Variants in PCDHGA7 observed in about 807,000 individuals in gnomAD.
The protein encoded by PCDHGA7 is protocadherin gamma subfamily A, 7.
PCDHGA7 carries 44 observed loss-of-function variants against 58.3 expected under a neutral mutation model. That is an observed-to-expected ratio of 0.75 (90% confidence interval 0.59 to 0.97). The LOEUF (loss-of-function observed/expected upper bound fraction) is 0.97, where lower values mean the gene tolerates loss of function less well. PCDHGA7 is among the 50% of genes least tolerant of loss of function. The probability of loss-of-function intolerance (pLI) is 0.00; values close to 1 mark genes in which losing one functional copy is unlikely to be tolerated. For synonymous variants in PCDHGA7, 516 were observed against 504.2 expected, an observed-to-expected ratio of 1.02 and a Z score of -0.31; for missense variants, 1,266 against 1,188.7, an observed-to-expected ratio of 1.06 and a Z score of -0.96.
At chr5:141,404,832 G>T in intron 1 of PCDHGA7, 1 of 1,613,864 alleles carries the variant, frequency 6.2e-7, no homozygotes, top group Non-Finnish European at 8.5e-7. Flanking sequence ...GGTGAAGTGC[G>T]CACAGCTCGG....
intron 1 of PCDHGA7, among the ~76,000 whole-genome samples, chr5:141,387,169 T>C (rs1428422324): frequency 4.6e-5 from 7 of 152,140 alleles, no homozygotes; most frequent in East Asian, 1.9e-4. Flanking sequence ...TAAGTATAAA[T>C]TGCACCTTCT....
intron 1 of PCDHGA7, chr5:141,415,955 G>A: frequency 8.5e-6 from 4 of 472,662 alleles, no homozygotes; most frequent in Non-Finnish European, 1.3e-5. Context: ...GTCACATATT[G>A]AAACTCCAGC....
chr5:141,399,274 C>T, intron 1 of PCDHGA7: 1 of 1,613,848 alleles, frequency 6.2e-7, no homozygotes, highest in Non-Finnish European at 8.5e-7. Context: ...TTGTCAATTA[C>T]AAGGCGAAGT....
Position 141,491,608 on chromosome 5 carries a change from C to T in PCDHGA7, c.2425-3199C>T. On this transcript the variant is annotated intron_variant, in intron 1 of 3. Transcript: ENST00000518325. This position sits in a 1 kb window ranked among gnomAD's most constrained non-coding sequence, Gnocchi z 6.9. Reference sequence around the variant, plus strand: ...CTCGGACGGCAGTGACTTCACTTTTCTAAGACCCCTCAGCGTTCAGCAGCC... The same window carrying T: ...CTCGGACGGCAGTGACTTCACTTTTTTAAGACCCCTCAGCGTTCAGCAGCC... 6.2e-7 allele frequency: 1 copy of T among 1,613,942 alleles called. No individual in the cohort carries two copies. The highest frequency in any genetic ancestry group is 1.1e-5 in the South Asian group (1 of 91,086).
In PCDHGA7 at chr5:141,383,563, C is replaced by T; in HGVS notation, c.664C>T (p.Arg222Ter). Residue 222 changes from arginine (R) to a stop codon, truncating the protein, a stop_gained, in exon 1 of 4, where the codon CGA (arginine) becomes TGA (stop). Transcript: ENST00000518325. LOFTEE classifies it high-confidence loss of function. ...LTASDGGDPP[R>*]SSTAHIQVTV... Reference sequence around the variant, plus strand: ...AGCCTCTGATGGCGGCGACCCGCCCCGATCCAGCACCGCCCACATCCAGGT... The same window carrying T: ...AGCCTCTGATGGCGGCGACCCGCCCTGATCCAGCACCGCCCACATCCAGGT... The T allele has an allele frequency of 6.2e-7, 1 of 1,613,152 alleles. No individual in the cohort carries two copies. The highest frequency in any genetic ancestry group is 1.1e-5 in the South Asian group (1 of 91,012).
chr5:141,410,087 G>A (rs1427716409), intron 1 of PCDHGA7: 1 of 1,612,482 alleles, frequency 6.2e-7, no homozygotes, highest in African/African-American at 1.3e-5. Flanking sequence ...GGTGCGCACG[G>A]CTCGAGCCTT....
intron 1 of PCDHGA7, among the ~76,000 whole-genome samples, chr5:141,463,393 C>CA (rs955461719): frequency 5.7e-5 from 8 of 140,804 alleles, no homozygotes; most frequent in Non-Finnish European, 7.6e-5. Flanking sequence ...TGTCTCCAGG[C>CA]AAAAAAAATG....
At position 141,432,881 on chromosome 5, in the gene PCDHGA7, G is replaced by A; in HGVS notation, c.2424+47558G>A. On this transcript the variant is annotated intron_variant, in intron 1 of 3. Coordinates refer to ENST00000518325, the MANE Select transcript of PCDHGA7 (RefSeq NM_018920.4). This position sits in a 1 kb window ranked among gnomAD's most constrained non-coding sequence, Gnocchi z 6.0. ...GGTCTCCTGCGTCTTCCTGGCCTTC[G>A]TCATCTTGCTGCTGGCGCTCAGGCT... 6.2e-7 allele frequency: 1 copy of A among 1,614,170 alleles called. No homozygotes were observed. The highest frequency in any genetic ancestry group is 1.1e-5 in the South Asian group (1 of 91,088).
In PCDHGA7 at chr5:141,493,577, T is replaced by C. The variant is rs2099749081; in HGVS notation, c.2425-1230T>C. On this transcript the variant is annotated intron_variant, in intron 1 of 3. Coordinates refer to ENST00000518325, the MANE Select transcript of PCDHGA7 (RefSeq NM_018920.4). This position sits in a 1 kb window ranked among gnomAD's most constrained non-coding sequence, Gnocchi z 4.3. ...GAGTTCCCCCAGCTCCGTTTCCTCC[T>C]ATCACAATCACTGCATTTCCATGTA... Among the ~76,000 whole-genome samples, 2 of 152,208 alleles carry C rather than the reference T, an allele frequency of 1.3e-5. No homozygotes were observed. The highest frequency in any genetic ancestry group is 1.3e-4 in the Admixed American group (2 of 15,280).
At position 141,424,003 on chromosome 5, in the gene PCDHGA7, T is replaced by C. The variant is rs150506228; in HGVS notation, c.2424+38680T>C. 5.3e-3 allele frequency: 5,614 copies of C among 1,067,752 alleles called. 27 individuals carry two copies. The highest frequency in any genetic ancestry group is 0.01 in the Admixed American group (195 of 19,092). 66.1% of individuals were successfully genotyped at this position (1,067,752 alleles called of 1,614,324 possible). A position where few individuals can be genotyped will look rare whatever the true frequency, so the allele number is the denominator to read the frequency against. ...AGGCTCTCAATTTATTATATATAGA[T>C]ACAAATTAATGATTCACAAACACTT... On this transcript the variant is annotated intron_variant, in intron 1 of 3. Transcript: ENST00000518325.
intron 1 of PCDHGA7, chr5:141,441,480 T>A (rs1679700290): frequency 5.9e-6 from 1 of 170,298 alleles, no homozygotes. Flanking sequence ...CCAACGACAA[T>A]GCTCTGGTTT....
intron 1 of PCDHGA7, among the ~76,000 whole-genome samples, chr5:141,483,015 G>A (rs916071219): frequency 2.0e-5 from 3 of 152,044 alleles, no homozygotes; most frequent in African/African-American, 7.2e-5. Context: ...AACCCGGGAG[G>A]CAGAGGTTGC....
At chr5:141,460,134 T>TCAAAGA in intron 1 of PCDHGA7, among the ~76,000 whole-genome samples, 1 of 152,066 alleles carries the variant, frequency 6.6e-6, no homozygotes, top group South Asian at 2.1e-4. Flanking sequence ...AATATATATA[T>TCAAAGA]TCTTGATGTG....
At chr5:141,500,615 A>G (rs1341597957) in intron 2 of PCDHGA7, among the ~76,000 whole-genome samples, 1 of 152,232 alleles carries the variant, frequency 6.6e-6, no homozygotes, top group East Asian at 1.9e-4. Flanking sequence ...ATTCCCAGTC[A>G]TACGGTACAT....
intron 1 of PCDHGA7, chr5:141,393,700 A>T: frequency 6.2e-7 from 1 of 1,613,934 alleles, no homozygotes; most frequent in Non-Finnish European, 8.5e-7. Context: ...CAGCTTAATG[A>T]AAATACTGGG....
At position 141,386,158 on chromosome 5, in the gene PCDHGA7, A is replaced by G. The variant is rs530436705; in HGVS notation, c.2424+835A>G. ...TGGCTTTGTTTCAACTGTCTCACGTACTCAAACCTTAGACCATCTTATGTA... is the reference window on the plus strand; with the variant it reads ...TGGCTTTGTTTCAACTGTCTCACGTGCTCAAACCTTAGACCATCTTATGTA... On this transcript the variant is annotated intron_variant, in intron 1 of 3. Coordinates refer to ENST00000518325, the MANE Select transcript of PCDHGA7 (RefSeq NM_018920.4). Among the ~76,000 whole-genome samples, 24 of 152,284 alleles carry G rather than the reference A, an allele frequency of 1.6e-4. No individual in the cohort carries two copies. In the East Asian group the frequency reaches 4.6e-3, roughly 29 times the overall value.
At chr5:141,502,291 G>A (rs1346186675) in intron 2 of PCDHGA7, among the ~76,000 whole-genome samples, 1 of 151,370 alleles carries the variant, frequency 6.6e-6, no homozygotes, top group African/African-American at 2.5e-5. Context: ...GCATTTGGTT[G>A]TCACGTCTTT....
chr5:141,399,910 G>C, intron 1 of PCDHGA7: 1 of 1,612,438 alleles, frequency 6.2e-7, no homozygotes, highest in Non-Finnish European at 8.5e-7. Context: ...CGCAGACTCA[G>C]GACACAACGC....
Position 141,477,809 on chromosome 5 carries a change from C to A in PCDHGA7, c.2425-16998C>A. 1 of 1,614,146 alleles carries A rather than the reference C, an allele frequency of 6.2e-7. No individual in the cohort carries two copies. Among genetic ancestry groups the A allele is most frequent in the Non-Finnish European group, 8.5e-7 (1 of 1,180,040 alleles). On this transcript the variant is annotated intron_variant, in intron 1 of 3. Coordinates refer to ENST00000518325, the MANE Select transcript of PCDHGA7 (RefSeq NM_018920.4). The surrounding 1 kb of genome is among the most constrained non-coding windows in gnomAD (Gnocchi z 4.9). ...TGTCACTGATCGCAATGACAATGCC[C>A]CCCAGGTCCTATATCCTCGGCCAGG...
Sources: gnomAD v4.1 joint callset for allele counts (sites outside exome capture counted in the v4.1 genomes callset) on GRCh38, gnomAD v4.1.1 for gene constraint, Gnocchi (gnomAD v3.1) non-coding constraint, MANE v1.5 for transcripts, NCBI Gene and HGNC (gene_info 2026-07-23, HGNC 2026-07-21) for gene names.